Variants in APBA1 observed in about 807,000 individuals in gnomAD.
The protein encoded by APBA1 is amyloid beta precursor protein binding family A member 1.
A neutral mutation model predicts 86.6 loss-of-function variants in APBA1; 55 were observed. The observed-to-expected ratio is 0.64, with a 90% CI of 0.51 to 0.80. APBA1 has a LOEUF of 0.80. Ranked by LOEUF, APBA1 falls within the 30% of genes least tolerant of loss-of-function variation. The probability of loss-of-function intolerance (pLI) is 0.00; values close to 1 mark genes in which losing one functional copy is unlikely to be tolerated. For missense variants in APBA1, 1,090 were observed against 1,183.0 expected (o/e 0.92, Z 1.15); for synonymous variants, 511 against 493.9 (o/e 1.03, Z -0.46).
chr9:69,607,377 C>T (rs1448811015), intron 1 of APBA1, among the ~76,000 whole-genome samples: 5 of 152,074 alleles, frequency 3.3e-5, no homozygotes, highest in Admixed American at 6.6e-5. Flanking sequence ...GGGAAGGACC[C>T]GCCCCCATGA....
intron 5 of APBA1, among the ~76,000 whole-genome samples, chr9:69,467,565 A>C (rs776542987): frequency 6.6e-5 from 10 of 152,202 alleles, no homozygotes; most frequent in Non-Finnish European, 1.2e-4. Flanking sequence ...CCAACTTTTC[A>C]AAGGTTGTGA....
intron 1 of APBA1, among the ~76,000 whole-genome samples, chr9:69,519,510 A>G (rs963977346): frequency 6.6e-5 from 10 of 152,232 alleles, no homozygotes; most frequent in Admixed American, 3.3e-4. Context: ...CAACAGATAA[A>G]CCTTCATTAA....
intron 1 of APBA1, among the ~76,000 whole-genome samples, chr9:69,540,077 G>A (rs1836579126): frequency 6.6e-6 from 1 of 151,880 alleles, no homozygotes; most frequent in African/African-American, 2.4e-5. Flanking sequence ...CTGAGATCAC[G>A]CCATTGCATT....
chr9:69,460,643 G>A (rs909985743), intron 5 of APBA1: 1 of 151,686 alleles, frequency 6.6e-6, no homozygotes, highest in Non-Finnish European at 1.5e-5. Flanking sequence ...ACCATCACTG[G>A]AGTACCCAAA....
chr9:69,643,006 C>G (rs548148412), intron 1 of APBA1, among the ~76,000 whole-genome samples: 1 of 151,236 alleles, frequency 6.6e-6, no homozygotes, highest in Admixed American at 6.6e-5. Context: ...TATACACACA[C>G]ACCCCCGCCA....
intron 2 of APBA1, among the ~76,000 whole-genome samples, chr9:69,500,628 G>A (rs1284335492): frequency 6.6e-6 from 1 of 152,046 alleles, no homozygotes; most frequent in Non-Finnish European, 1.5e-5. Context: ...CAAGAAAAGC[G>A]GAAAATGAGA....
At position 69,456,366 on chromosome 9, in the gene APBA1, G is replaced by A; in HGVS notation, c.1669C>T (p.Leu557=). The A allele has an allele frequency of 6.2e-7, 1 of 1,613,916 alleles. No homozygotes were observed. Among genetic ancestry groups the A allele is most frequent in the South Asian group, 1.1e-5 (1 of 91,046 alleles). Residue 557 remains leucine, a synonymous_variant, in exon 8 of 13, where the codon CTG becomes TTG. Transcript: ENST00000265381. Reference sequence around the variant, plus strand: ...CGAGGCATCCGCCGGCGGGCCATCAGCACAACGATGTTCCCAATGTCCGCA... The same window carrying A: ...CGAGGCATCCGCCGGCGGGCCATCAACACAACGATGTTCCCAATGTCCGCA... The part of the protein sequence containing the change: ...YIADIGNIVV[L]MARRRMPRSN...
intron 1 of APBA1, among the ~76,000 whole-genome samples, chr9:69,537,354 G>T (rs1029805367): frequency 3.3e-5 from 5 of 152,062 alleles, no homozygotes; most frequent in African/African-American, 1.2e-4. Context: ...TCTGCACTAA[G>T]TAGATGATCC....
intron 5 of APBA1, among the ~76,000 whole-genome samples, chr9:69,465,932 C>G (rs556032442): frequency 7.6e-4 from 116 of 152,324 alleles, no homozygotes; most frequent in Non-Finnish European, 1.4e-3. Context: ...CCCTGACACA[C>G]GGAAGGAACT....
intron 2 of APBA1, among the ~76,000 whole-genome samples, chr9:69,505,898 A>G (rs1835952921): frequency 6.6e-6 from 1 of 152,050 alleles, no homozygotes; most frequent in South Asian, 2.1e-4. Context: ...ATGCACCTGT[A>G]GTCCCAGCTA....
At chr9:69,445,321 A>G (rs1834889008) in intron 10 of APBA1, among the ~76,000 whole-genome samples, 1 of 152,216 alleles carries the variant, frequency 6.6e-6, no homozygotes, top group Non-Finnish European at 1.5e-5. Flanking sequence ...TAACGAGACC[A>G]TGCATTTGCT....
chr9:69,570,644 A>G (rs1337505180), intron 1 of APBA1, among the ~76,000 whole-genome samples: 4 of 152,152 alleles, frequency 2.6e-5, no homozygotes, highest in Admixed American at 1.3e-4. Flanking sequence ...TTTTCAAGGA[A>G]CTTTTGGAGA....
At chr9:69,453,748 A>G (rs372627751) in intron 8 of APBA1, among the ~76,000 whole-genome samples, 1 of 152,282 alleles carries the variant, frequency 6.6e-6, no homozygotes, top group East Asian at 1.9e-4. Flanking sequence ...CACAGAGCAC[A>G]GTAACATTTC....
intron 1 of APBA1, among the ~76,000 whole-genome samples, chr9:69,637,876 G>GA (rs1823213058): frequency 6.6e-6 from 1 of 152,106 alleles, no homozygotes; most frequent in South Asian, 2.1e-4. Context: ...ATTCTACATA[G>GA]AAAAAAGGAA....
At position 69,494,617 on chromosome 9, in the gene APBA1, T is replaced by C. The variant is rs927038787; in HGVS notation, c.1201-18474A>G. 2 of 152,166 alleles carry C rather than the reference T, an allele frequency of 1.3e-5. 1 individual carries two copies. Among genetic ancestry groups the C allele is most frequent in the Non-Finnish European group, 2.9e-5 (2 of 68,036 alleles). 9.4% of individuals were successfully genotyped at this position (152,166 alleles called of 1,614,324 possible). On this transcript the variant is annotated intron_variant, in intron 2 of 12. Coordinates refer to ENST00000265381, the MANE Select transcript of APBA1 (RefSeq NM_001163.4). Reference sequence around the variant, plus strand: ...ACAGCCTCACTGTATTTAAATGAAATGCGCTACAATTTGGAAAAATGGAGT... The same window carrying C: ...ACAGCCTCACTGTATTTAAATGAAACGCGCTACAATTTGGAAAAATGGAGT...
At chr9:69,433,789 A>G (rs1190937034) in intron 11 of APBA1, among the ~76,000 whole-genome samples, 1 of 149,810 alleles carries the variant, frequency 6.7e-6, no homozygotes, top group Non-Finnish European at 1.5e-5. Flanking sequence ...ATTTGGAATG[A>G]TATTTTAATT....
At chr9:69,602,742 C>G (rs1360064999) in intron 1 of APBA1, among the ~76,000 whole-genome samples, 1 of 152,098 alleles carries the variant, frequency 6.6e-6, no homozygotes, top group African/African-American at 2.4e-5. Flanking sequence ...ACTTTAGGCC[C>G]TGGGGGAGAG....
At chr9:69,458,813 T>C (rs917464116) in intron 5 of APBA1, among the ~76,000 whole-genome samples, 17 of 151,836 alleles carry the variant, frequency 1.1e-4, no homozygotes, top group Admixed American at 3.3e-4. Context: ...CTTTTCTTTT[T>C]TTTTTTTTCT....
chr9:69,488,311 T>C (rs1835644142), intron 2 of APBA1, among the ~76,000 whole-genome samples: 1 of 152,090 alleles, frequency 6.6e-6, no homozygotes, highest in Admixed American at 6.5e-5. Flanking sequence ...TTTTGTGTGA[T>C]TCACTGACTT....
Sources: gnomAD v4.1 joint callset for allele counts (sites outside exome capture counted in the v4.1 genomes callset) on GRCh38, gnomAD v4.1.1 for gene constraint, MANE v1.5 for transcripts, NCBI Gene and HGNC (gene_info 2026-07-23, HGNC 2026-07-21) for gene names.